BOLL: variants seen among roughly 807,000 people sequenced by gnomAD.
BOLL encodes the protein boule RNA binding protein, also known as protein boule-like.
In BOLL, 23 loss-of-function variants were observed where a neutral mutation model predicts 44.4. The ratio of observed to expected loss-of-function variants is 0.52; its 90% CI spans 0.37 to 0.73. The LOEUF (loss-of-function observed/expected upper bound fraction) is 0.73, where lower values mean the gene tolerates loss of function less well. BOLL is among the 30% of genes least tolerant of loss of function. BOLL has a pLI of 0.00. For synonymous variants in BOLL, 97 were observed against 110.8 expected (o/e 0.88, Z 0.78); for missense variants, 287 against 338.3 (o/e 0.85, Z 1.19).
intron 6 of BOLL, among the ~76,000 whole-genome samples, chr2:197,769,490 G>A (rs1689140394): frequency 6.6e-6 from 1 of 152,062 alleles, no homozygotes; most frequent in Admixed American, 6.6e-5. Flanking sequence ...AGTGTTGAAA[G>A]TTCTGGCCAG....
chr2:197,786,084 G>T, upstream of BOLL: 1 of 1,544,414 alleles, frequency 6.5e-7, no homozygotes. This position sits in a 1 kb window ranked among gnomAD's most constrained non-coding sequence, Gnocchi z 5.9. Context: ...AGGCAGCAGC[G>T]CTGCTTGTCC....
chr2:197,766,888 G>A (rs1486504197), intron 6 of BOLL, among the ~76,000 whole-genome samples: 2 of 151,900 alleles, frequency 1.3e-5, no homozygotes, highest in Admixed American at 6.6e-5. Flanking sequence ...TGAAAATATA[G>A]TTATAAGAGA....
intron 6 of BOLL, among the ~76,000 whole-genome samples, chr2:197,770,929 A>G (rs1000264737): frequency 6.6e-6 from 1 of 152,162 alleles, no homozygotes; most frequent in Admixed American, 6.5e-5. Flanking sequence ...CCATTGTGGA[A>G]GTCAGTGTGG....
intron 9 of BOLL, among the ~76,000 whole-genome samples, chr2:197,754,681 T>G (rs1169892842): frequency 6.8e-6 from 1 of 147,960 alleles, no homozygotes; most frequent in East Asian, 2.0e-4. Context: ...ACCATTGCAC[T>G]CTAGCCTGGG....
At chr2:197,763,218 G>A (rs1068682) in intron 7 of BOLL, among the ~76,000 whole-genome samples, 1 of 152,132 alleles carries the variant, frequency 6.6e-6, no homozygotes, top group African/African-American at 2.4e-5. Flanking sequence ...CACGGTGGCT[G>A]ACGCCTGTAA....
intron 9 of BOLL, among the ~76,000 whole-genome samples, chr2:197,748,106 A>G (rs1688067808): frequency 6.6e-6 from 1 of 152,202 alleles, no homozygotes; most frequent in East Asian, 1.9e-4. Flanking sequence ...GGTGAGCAGA[A>G]GCAGGGTGGG....
At chr2:197,765,402 G>T (rs531915880) in intron 7 of BOLL, among the ~76,000 whole-genome samples, 1 of 151,552 alleles carries the variant, frequency 6.6e-6, no homozygotes, top group East Asian at 1.9e-4. Flanking sequence ...GGAGGAATAA[G>T]TTCTAATGTT....
At chr2:197,729,277 C>G (rs1687014524) in intron 10 of BOLL, among the ~76,000 whole-genome samples, 2 of 152,192 alleles carry the variant, frequency 1.3e-5, no homozygotes, top group African/African-American at 4.8e-5. Context: ...AACGGCGCAC[C>G]ACGAGATTAT....
chr2:197,730,835 A>C (rs544533070), intron 10 of BOLL, among the ~76,000 whole-genome samples: 3,792 of 152,278 alleles, frequency 0.025, 72 homozygotes, highest in Non-Finnish European at 0.037. Context: ...GAAAGGAACA[A>C]CCGGTACCAG....
chr2:197,732,244 C>G (rs1477641682), intron 10 of BOLL, among the ~76,000 whole-genome samples: 7 of 152,012 alleles, frequency 4.6e-5, no homozygotes, highest in Admixed American at 4.6e-4. Context: ...CATACACTCT[C>G]CCAAGACTAA....
chr2:197,759,026 C>T (rs1390268083), intron 7 of BOLL: 22 of 1,531,674 alleles, frequency 1.4e-5, no homozygotes, highest in South Asian at 7.2e-5. Context: ...AAAAGAGAGG[C>T]ATGATGTCAG....
rs1386454006 is a variant in BOLL at position 197,776,868 on chromosome 2, A to G, written c.276+191T>C. Among the ~76,000 whole-genome samples the G allele has an allele frequency of 3.3e-5, 5 of 152,090 alleles. No homozygotes were observed. The East Asian group carries it at 9.7e-4, about 29-fold the overall frequency. The stretch of plus-strand genomic sequence containing the variant: ...TAAATAAAGCGAAACATTATATTAC[A>G]GTTTCACAACCATACTTGTAGTGAT... On this transcript the variant is annotated intron_variant, in intron 4 of 10. Transcript: ENST00000392296.
chr2:197,783,937 G>A (rs1402205570), intron 1 of BOLL, among the ~76,000 whole-genome samples: 1 of 151,950 alleles, frequency 6.6e-6, no homozygotes, highest in Non-Finnish European at 1.5e-5. Context: ...TAATATGTTC[G>A]CAAGTTTAAG....
At chr2:197,737,923 C>T (rs559638688) in intron 10 of BOLL, among the ~76,000 whole-genome samples, 1 of 152,158 alleles carries the variant, frequency 6.6e-6, no homozygotes, top group East Asian at 1.9e-4. Context: ...AAATATGATC[C>T]TTAATAGCCA....
chr2:197,785,999 T>A, upstream of BOLL: 1 of 1,612,146 alleles, frequency 6.2e-7, no homozygotes, highest in African/African-American at 1.3e-5. This position sits in a 1 kb window ranked among gnomAD's most constrained non-coding sequence, Gnocchi z 6.7. Flanking sequence ...GGACTCGGTT[T>A]CCATCTTCCT....
rs371315594 is a variant in BOLL at position 197,738,901 on chromosome 2, T to C, written c.828+4160A>G. 3.3e-5 allele frequency among the ~76,000 whole-genome samples: 5 copies of C among 152,326 alleles called. No individual in the cohort carries two copies. In the East Asian group the frequency reaches 7.7e-4, roughly 23 times the overall value. On this transcript the variant is annotated intron_variant, in intron 10 of 10. Transcript: ENST00000392296. ...GTTCTAGAAAAAGATTGTTTCATAA[T>C]GTAGAACAACATTTGTATATTAAGA...
In BOLL at chr2:197,775,739, G is replaced by A. The variant is rs200336393; in HGVS notation, c.278C>T (p.Ala93Val). The change falls in exon 5 of 11, where the codon GCT (alanine) becomes GTT (valine). Residue 93 changes from alanine to valine, a missense_variant and splice_region_variant. Ala to Val is a moderately conservative substitution (Grantham distance 64, BLOSUM62 0). Transcript: ENST00000392296. ...CTTATCCTTATAATTAAGTTTTTCA[G>A]CCTAAAATAAAGAAAAAAGAAATTA... ...QEDAQKILQE[A>V]EKLNYKDKKL... is the part of the protein sequence containing the mutation. 7 of 1,493,578 alleles carry A rather than the reference G, an allele frequency of 4.7e-6. No homozygotes were observed. In the East Asian group the frequency reaches 1.4e-4, roughly 30 times the overall value. 92.5% of individuals were successfully genotyped at this position (1,493,578 alleles called of 1,614,324 possible).
chr2:197,742,396 A>G (rs1687785128), intron 10 of BOLL, among the ~76,000 whole-genome samples: 1 of 152,340 alleles, frequency 6.6e-6, no homozygotes, highest in East Asian at 1.9e-4. Flanking sequence ...TCACAATAGC[A>G]AAGACTTGGA....
chr2:197,743,690 T>A (rs574633221), intron 9 of BOLL, among the ~76,000 whole-genome samples: 1 of 152,332 alleles, frequency 6.6e-6, no homozygotes, highest in East Asian at 1.9e-4. Context: ...CCCATTGTCA[T>A]GTTAGAAAAA....
Sources: allele counts gnomAD v4.1 joint callset (sites outside exome capture counted in the v4.1 genomes callset), GRCh38; gene constraint gnomAD v4.1.1; non-coding constraint Gnocchi (gnomAD v3.1); transcripts MANE v1.5; gene names NCBI Gene and HGNC (gene_info 2026-07-23, HGNC 2026-07-21).